DGKB: variants seen among roughly 807,000 people sequenced by gnomAD.
DGKB encodes 90 kDa diacylglycerol kinase.
A neutral mutation model predicts 114.3 loss-of-function variants in DGKB; 67 were observed. The ratio of observed to expected loss-of-function variants is 0.59; its 90% CI spans 0.48 to 0.72. The LOEUF is 0.72. Ranked by LOEUF, DGKB falls within the 30% of genes least tolerant of loss-of-function variation. The pLI is 0.00. For synonymous variants in DGKB, 398 were observed against 323.1 expected, an observed-to-expected ratio of 1.23 and a Z score of -2.49; for missense variants, 907 against 975.2, an observed-to-expected ratio of 0.93 and a Z score of 0.93.
chr7:14,960,111 C>T (rs193273410), intron 1 of DGKB, among the ~76,000 whole-genome samples: 16 of 147,516 alleles, frequency 1.1e-4, no homozygotes, highest in Middle Eastern at 6.9e-3. Flanking sequence ...AAGACAACTG[C>T]GAAGTTACAG....
chr7:14,165,847 A>G (rs1376657852), intron 25 of DGKB, among the ~76,000 whole-genome samples: 1 of 152,210 alleles, frequency 6.6e-6, no homozygotes, highest in Non-Finnish European at 1.5e-5. Context: ...GAAAGCCAAA[A>G]TATAAAGGAG....
intron 25 of DGKB, among the ~76,000 whole-genome samples, chr7:14,158,567 C>CT (rs1257154285): frequency 6.6e-6 from 1 of 152,162 alleles, no homozygotes; most frequent in Non-Finnish European, 1.5e-5. Context: ...TAGCACTGAT[C>CT]TGAAAGACTT....
chr7:14,967,262 A>C (rs1787207723), intron 1 of DGKB, among the ~76,000 whole-genome samples: 3 of 152,114 alleles, frequency 2.0e-5, no homozygotes, highest in Non-Finnish European at 4.4e-5. Flanking sequence ...CAAACAAACT[A>C]TTTCATTCAC....
At chr7:14,224,746 G>T (rs1222648598) in intron 23 of DGKB, among the ~76,000 whole-genome samples, 1 of 151,920 alleles carries the variant, frequency 6.6e-6, no homozygotes, top group Non-Finnish European at 1.5e-5. Context: ...TTCTAATAAT[G>T]CTCCTAAGGG....
chr7:14,175,076 G>A (rs1352947266), intron 25 of DGKB, among the ~76,000 whole-genome samples: 4 of 152,176 alleles, frequency 2.6e-5, no homozygotes, highest in African/African-American at 9.7e-5. Flanking sequence ...GCTAATCTGT[G>A]CTGTTTGAAA....
chr7:14,373,564 C>T (rs571523728), intron 21 of DGKB, among the ~76,000 whole-genome samples: 27 of 152,232 alleles, frequency 1.8e-4, no homozygotes, highest in African/African-American at 6.5e-4. Context: ...GTTGAGATTA[C>T]TTCCCTGCCT....
chr7:14,759,329 G>A (rs192792281), intron 2 of DGKB, among the ~76,000 whole-genome samples: 148 of 152,240 alleles, frequency 9.7e-4, no homozygotes, highest in African/African-American at 3.2e-3. Context: ...TCATGATGTT[G>A]TGCAATCATT....
At chr7:14,749,767 A>C (rs557700429) in intron 4 of DGKB, among the ~76,000 whole-genome samples, 1 of 152,198 alleles carries the variant, frequency 6.6e-6, no homozygotes, top group Non-Finnish European at 1.5e-5. Context: ...CTTGAAAAAT[A>C]AAACCCAATA....
intron 20 of DGKB, among the ~76,000 whole-genome samples, chr7:14,557,880 A>C (rs543225922): frequency 2.6e-4 from 40 of 151,830 alleles, no homozygotes; most frequent in African/African-American, 9.1e-4. Flanking sequence ...GTATACAAAA[A>C]TTCTTAAAAT....
chr7:14,665,057 T>C (rs1028213297), intron 13 of DGKB, among the ~76,000 whole-genome samples: 1 of 152,044 alleles, frequency 6.6e-6, no homozygotes, highest in Non-Finnish European at 1.5e-5. Flanking sequence ...AATGGTTACT[T>C]ATGTATCATA....
chr7:14,868,480 G>A (rs1400063273), intron 1 of DGKB, among the ~76,000 whole-genome samples: 4 of 151,782 alleles, frequency 2.6e-5, no homozygotes, highest in Admixed American at 6.6e-5. Context: ...GATTACAGGC[G>A]TGTGCCACAA....
At chr7:14,574,741 C>T (rs1277655804) in intron 19 of DGKB, among the ~76,000 whole-genome samples, 1 of 152,214 alleles carries the variant, frequency 6.6e-6, no homozygotes, top group Non-Finnish European at 1.5e-5. Context: ...ACACCATCCT[C>T]TACCCAGCTG....
intron 13 of DGKB, among the ~76,000 whole-genome samples, chr7:14,660,064 T>G (rs981079472): frequency 1.3e-5 from 2 of 151,264 alleles, no homozygotes; most frequent in African/African-American, 4.8e-5. Flanking sequence ...GAACCAGCCT[T>G]GCATCCCAGG....
chr7:14,367,844 A>G (rs982079794), intron 21 of DGKB, among the ~76,000 whole-genome samples: 13 of 151,928 alleles, frequency 8.6e-5, no homozygotes, highest in Non-Finnish European at 1.8e-4. Context: ...TTAAAACTTC[A>G]GATCTCGTGA....
At chr7:14,344,401 C>A (rs1443841884) in intron 22 of DGKB, among the ~76,000 whole-genome samples, 1 of 151,534 alleles carries the variant, frequency 6.6e-6, no homozygotes, top group Non-Finnish European at 1.5e-5. Flanking sequence ...CTTAGCCAGG[C>A]CATTGTGTGG....
In DGKB at chr7:14,717,391, A is replaced by G. The variant is rs1470689117; in HGVS notation, c.466+1151T>C. 2.0e-5 allele frequency among the ~76,000 whole-genome samples: 3 copies of G among 152,134 alleles called. No homozygotes were observed. The East Asian group carries it at 5.8e-4, about 29-fold the overall frequency. On this transcript the variant is annotated intron_variant, in intron 6 of 25. Coordinates refer to ENST00000402815, the MANE Select transcript of DGKB (RefSeq NM_001350709.2). ...CTGGCTGTCACTTCAATAGAAATTC[A>G]CTGAACATTAATATTTACTTTGGAA... is the stretch of plus-strand genomic sequence containing the variant.
intron 1 of DGKB, among the ~76,000 whole-genome samples, chr7:14,848,975 C>T (rs1374731088): frequency 6.6e-6 from 1 of 151,804 alleles, no homozygotes; most frequent in East Asian, 1.9e-4. Flanking sequence ...CTTTTTTCCC[C>T]TTTTTGTGTT....
intron 6 of DGKB, among the ~76,000 whole-genome samples, chr7:14,717,953 C>A (rs1288766009): frequency 1.3e-5 from 2 of 152,146 alleles, no homozygotes; most frequent in African/African-American, 4.8e-5. Context: ...TAATTATTTA[C>A]TTTCAACTGA....
intron 1 of DGKB, among the ~76,000 whole-genome samples, chr7:14,924,536 C>T (rs1241301895): frequency 1.3e-5 from 2 of 152,120 alleles, no homozygotes; most frequent in African/African-American, 4.8e-5. Flanking sequence ...AATCCTGAAA[C>T]TCATATTTTT....
Sources: gnomAD v4.1 joint callset for allele counts (sites outside exome capture counted in the v4.1 genomes callset) on GRCh38, gnomAD v4.1.1 for gene constraint, MANE v1.5 for transcripts, NCBI Gene and HGNC (gene_info 2026-07-23, HGNC 2026-07-21) for gene names.